The following JMJD1C variants were observed in gnomAD, a reference collection of about 807,000 sequenced individuals.
JMJD1C encodes jumonji domain containing 1C, also known as jumonji domain-containing protein 1C.
Under a neutral mutation model 245.3 loss-of-function variants are expected in JMJD1C, and 31 were observed. That is an observed-to-expected ratio of 0.13 (90% CI 0.09 to 0.17). The LOEUF is 0.17. JMJD1C is among the 10% of genes least tolerant of loss of function. The pLI, the probability that JMJD1C is intolerant of heterozygous loss-of-function variation, is 1.00. For synonymous variants in JMJD1C, 1,057 were observed against 1,017.4 expected (o/e 1.04, Z -0.74); for missense variants, 2,691 against 3,000.2 (o/e 0.90, Z 2.41).
chr10:63,385,416 C>CTTTTT (rs35450282), intron 1 of JMJD1C, among the ~76,000 whole-genome samples: 20 of 53,770 alleles, frequency 3.7e-4, no homozygotes, highest in Admixed American at 7.5e-4. Context: ...CTGCCCCCGC[C>CTTTTT]TTTTTTTTTT....
At chr10:63,487,480 T>G (rs934458825) in intron 1 of JMJD1C, among the ~76,000 whole-genome samples, 4 of 152,200 alleles carry the variant, frequency 2.6e-5, no homozygotes, top group Non-Finnish European at 5.9e-5. Context: ...AAACATCCTA[T>G]AATGCCAAGG....
chr10:63,357,004 C>CA (rs35971912), intron 2 of JMJD1C, among the ~76,000 whole-genome samples: 100,897 of 151,662 alleles, frequency 0.67, 36,156 homozygotes, highest in Non-Finnish European at 0.81. Flanking sequence ...GGTATGCCTT[C>CA]AAAAATGAAC....
At chr10:63,439,303 C>A (rs945255796) in intron 1 of JMJD1C, among the ~76,000 whole-genome samples, 1 of 152,128 alleles carries the variant, frequency 6.6e-6, no homozygotes, top group Non-Finnish European at 1.5e-5. Flanking sequence ...TGTTCTGTTC[C>A]TGGCTTTCAC....
chr10:63,249,540 G>T (rs980745126), intron 3 of JMJD1C, among the ~76,000 whole-genome samples: 2 of 152,230 alleles, frequency 1.3e-5, no homozygotes, highest in Non-Finnish European at 2.9e-5. Context: ...AGGTGGAAGA[G>T]AATAATTTGT....
At chr10:63,414,369 T>C (rs1949680199) in intron 1 of JMJD1C, among the ~76,000 whole-genome samples, 1 of 152,166 alleles carries the variant, frequency 6.6e-6, no homozygotes, top group Non-Finnish European at 1.5e-5. Context: ...TTTTTTAACC[T>C]TAAAATGTAT....
At chr10:63,502,315 G>T (rs1589833966) in intron 1 of JMJD1C, among the ~76,000 whole-genome samples, 1 of 152,258 alleles carries the variant, frequency 6.6e-6, no homozygotes, top group South Asian at 2.1e-4. Context: ...AACTAGAAAA[G>T]CTGTTTTTTG....
At chr10:63,322,123 TG>T (rs1940943751) in intron 2 of JMJD1C, among the ~76,000 whole-genome samples, 1 of 152,238 alleles carries the variant, frequency 6.6e-6, no homozygotes, top group Non-Finnish European at 1.5e-5. Context: ...TGTATTTTCC[TG>T]GCTATTCTTT....
intron 11 of JMJD1C, among the ~76,000 whole-genome samples, chr10:63,199,508 A>C (rs1428701887): frequency 1.3e-5 from 2 of 151,918 alleles, no homozygotes; most frequent in African/African-American, 4.8e-5. Flanking sequence ...TTTAAACCAA[A>C]TTTCTCCTTT....
intron 1 of JMJD1C, among the ~76,000 whole-genome samples, chr10:63,414,989 C>T (rs1186774268): frequency 6.6e-6 from 1 of 151,120 alleles, no homozygotes; most frequent in African/African-American, 2.4e-5. Context: ...GTTGGTATTC[C>T]CAACAAGGCC....
intron 2 of JMJD1C, among the ~76,000 whole-genome samples, chr10:63,371,281 C>A (rs1279719528): frequency 6.6e-6 from 1 of 151,956 alleles, no homozygotes; most frequent in Non-Finnish European, 1.5e-5. Flanking sequence ...TGTCCCTGGT[C>A]TATAAGACTT....
rs773344012 is a variant in JMJD1C, at chr10:63,208,284, C to T, written c.3385G>A (p.Ala1129Thr). The T allele has an allele frequency of 8.1e-6, 13 of 1,613,872 alleles. No individual in the cohort carries two copies. The highest frequency in any genetic ancestry group is 1.7e-5 in the Admixed American group (1 of 59,962). ...GTCAGAGTTTGAGGATTAGCTGCTG[C>T]CGCTGCAAGGGCATTACTCTGTTTA... ...GDKQSNALAAAAANPQTLTSF... is the reference protein window; with the variant it reads ...GDKQSNALAATAANPQTLTSF... Residue 1129 changes from alanine to threonine, a missense_variant, in exon 10 of 26, where the codon GCA (alanine) becomes ACA (threonine). By Grantham distance (58) the Ala-to-Thr change is moderately conservative (BLOSUM62 0). Transcript: ENST00000399262.
At chr10:63,275,817 G>A (rs2133854881) in intron 2 of JMJD1C, among the ~76,000 whole-genome samples, 1 of 152,178 alleles carries the variant, frequency 6.6e-6, no homozygotes, top group Non-Finnish European at 1.5e-5. Flanking sequence ...TGCACTTTCA[G>A]CCCTTTTTTT....
At chr10:63,456,483 C>G (rs1952422716) in intron 1 of JMJD1C, among the ~76,000 whole-genome samples, 1 of 152,008 alleles carries the variant, frequency 6.6e-6, no homozygotes, top group Non-Finnish European at 1.5e-5. Context: ...ATAATTTTAA[C>G]CAAACATTAA....
chr10:63,514,483 T>C (rs921516275), intron 1 of JMJD1C, among the ~76,000 whole-genome samples: 1 of 152,142 alleles, frequency 6.6e-6, no homozygotes, highest in Admixed American at 6.5e-5. Flanking sequence ...TGCAGCAACA[T>C]GGATGGAGTT....
chr10:63,501,596 T>G (rs1285294078), intron 1 of JMJD1C, among the ~76,000 whole-genome samples: 1 of 152,030 alleles, frequency 6.6e-6, no homozygotes, highest in Non-Finnish European at 1.5e-5. Flanking sequence ...GCTAACACAG[T>G]GAAACCCCAT....
chr10:63,388,605 A>C (rs996962717), intron 1 of JMJD1C, among the ~76,000 whole-genome samples: 1 of 152,202 alleles, frequency 6.6e-6, no homozygotes, highest in Non-Finnish European at 1.5e-5. Flanking sequence ...ATAGCACTAC[A>C]GAAAACCACC....
At chr10:63,394,613 G>A (rs974079755) in intron 1 of JMJD1C, among the ~76,000 whole-genome samples, 7 of 152,174 alleles carry the variant, frequency 4.6e-5, no homozygotes, top group Admixed American at 6.5e-5. Context: ...GGGAGGCTGA[G>A]GCAGATAGAT....
chr10:63,378,006 G>A (rs1428154588), intron 2 of JMJD1C, among the ~76,000 whole-genome samples: 1 of 148,576 alleles, frequency 6.7e-6, no homozygotes, highest in Non-Finnish European at 1.5e-5. Flanking sequence ...TAATATATAT[G>A]AGTTATCTCT....
chr10:63,291,530 G>T (rs1331280632), intron 2 of JMJD1C, among the ~76,000 whole-genome samples: 1 of 151,010 alleles, frequency 6.6e-6, no homozygotes, highest in Non-Finnish European at 1.5e-5. Flanking sequence ...CAGGAGAATC[G>T]CTTGAACCCG....
Sources: allele counts gnomAD v4.1 joint callset (sites outside exome capture counted in the v4.1 genomes callset), GRCh38; gene constraint gnomAD v4.1.1; transcripts MANE v1.5; gene names NCBI Gene and HGNC (gene_info 2026-07-23, HGNC 2026-07-21).